Variants in HTR2C observed in about 807,000 individuals in gnomAD.
HTR2C encodes 5-hydroxytryptamine (serotonin) receptor 2C, G protein-coupled.
HTR2C carries 5 observed loss-of-function variants against 21.0 expected under a neutral mutation model. The ratio of observed to expected loss-of-function variants is 0.24; its 90% CI spans 0.12 to 0.50. The LOEUF (loss-of-function observed/expected upper bound fraction) is 0.50. Ranked by LOEUF, HTR2C falls within the 20% of genes least tolerant of loss-of-function variation. HTR2C has a pLI of 0.98. For missense variants in HTR2C, 271 were observed against 371.2 expected (o/e 0.73, Z 2.22); for synonymous variants, 150 against 145.3 (o/e 1.03, Z -0.23).
intron 5 of HTR2C, among the ~76,000 whole-genome samples, chrX:114,851,188 T>C (rs1556469156): frequency 8.9e-6 from 1 of 111,759 alleles, no homozygotes; most frequent in African/African-American, 3.3e-5. Context: ...AGCACATCCT[T>C]CTCAGCGATT....
intron 2 of HTR2C, among the ~76,000 whole-genome samples, chrX:114,672,023 C>G (rs1242290450): frequency 1.8e-5 from 2 of 111,262 alleles, no homozygotes; most frequent in Non-Finnish European, 3.8e-5. Flanking sequence ...AAGGTCACTA[C>G]TATTTATATT....
intron 4 of HTR2C, among the ~76,000 whole-genome samples, chrX:114,842,085 T>C (rs1372295286): frequency 2.7e-5 from 3 of 111,885 alleles, no homozygotes; most frequent in Non-Finnish European, 3.8e-5. Flanking sequence ...ATTATGAAAC[T>C]CAAACATCAA....
At chrX:114,619,264 T>C (rs1929062120) in intron 2 of HTR2C, among the ~76,000 whole-genome samples, 1 of 109,846 alleles carries the variant, frequency 9.1e-6, no homozygotes, top group African/African-American at 3.4e-5. Flanking sequence ...ATATCTTCAC[T>C]CCATTTCTAC....
rs148380228 is a variant in HTR2C, at chrX:114,903,525, T to C, written c.551-3064T>C. On this transcript the variant is annotated intron_variant, in intron 5 of 5. Transcript: ENST00000276198. ...ATACAAATAGATGCCAGGGATAAAA[T>C]TGGCCTCATCTACCCAATAACAGCT... Among the ~76,000 whole-genome samples, 651 of 112,401 alleles carry C rather than the reference T, an allele frequency of 5.8e-3. 8 individuals carry two copies. The highest frequency in any genetic ancestry group is 0.02 in the African/African-American group (626 of 30,964).
At chrX:114,805,846 T>TGTATATACACCATATATATACC (rs2070412304) in intron 4 of HTR2C, among the ~76,000 whole-genome samples, 1 of 41,170 alleles carries the variant, frequency 2.4e-5, no homozygotes, top group African/African-American at 7.4e-5. Context: ...ATATATACCA[T>TGTATATACACCATATATATACC]ATATATACCA....
chrX:114,767,900 C>A (rs1191805963), intron 4 of HTR2C, among the ~76,000 whole-genome samples: 3 of 109,727 alleles, frequency 2.7e-5, no homozygotes, highest in Non-Finnish European at 5.7e-5. Context: ...CACATATAAA[C>A]CGTTGTAATC....
intron 2 of HTR2C, among the ~76,000 whole-genome samples, chrX:114,724,677 CCCTT>C (rs1371357945): frequency 9.4e-6 from 1 of 106,934 alleles, no homozygotes; most frequent in Non-Finnish European, 1.9e-5. Flanking sequence ...CCATGTTTAG[CCCTT>C]CCTTCAGGAG....
chrX:114,712,002 G>A (rs917447825), intron 2 of HTR2C, among the ~76,000 whole-genome samples: 1 of 111,677 alleles, frequency 9.0e-6, no homozygotes, highest in Admixed American at 9.6e-5. Flanking sequence ...GAAAATAATG[G>A]CTCTTTGTGA....
intron 5 of HTR2C, among the ~76,000 whole-genome samples, chrX:114,875,712 A>T (rs1602903765): frequency 9.0e-6 from 1 of 110,944 alleles, no homozygotes; most frequent in Admixed American, 9.7e-5. Context: ...AACTATATAT[A>T]TGTGGACTCA....
intron 2 of HTR2C, among the ~76,000 whole-genome samples, chrX:114,669,996 T>A (rs1442748891): frequency 2.7e-5 from 3 of 111,676 alleles, no homozygotes; most frequent in Non-Finnish European, 3.8e-5. Context: ...CCTAGCACTT[T>A]GGGAGGCCAA....
intron 4 of HTR2C, among the ~76,000 whole-genome samples, chrX:114,791,133 C>T (rs887434584): frequency 5.3e-5 from 6 of 112,741 alleles, no homozygotes; most frequent in Admixed American, 9.4e-5. Flanking sequence ...GCGCCATGAG[C>T]GCATCAACCA....
chrX:114,601,372 T>A (rs1052452280), intron 1 of HTR2C, among the ~76,000 whole-genome samples: 1 of 107,964 alleles, frequency 9.3e-6, no homozygotes, highest in South Asian at 4.1e-4. Flanking sequence ...GAAAAGAGAG[T>A]CAGTGAAGGG....
At chrX:114,600,495 T>C (rs1406679939) in intron 1 of HTR2C, among the ~76,000 whole-genome samples, 1 of 111,314 alleles carries the variant, frequency 9.0e-6, no homozygotes, top group Admixed American at 9.6e-5. Context: ...AGCTATTTAC[T>C]AATAGTAATA....
intron 2 of HTR2C, among the ~76,000 whole-genome samples, chrX:114,726,429 G>T (rs782637327): frequency 8.9e-6 from 1 of 112,373 alleles, no homozygotes; most frequent in African/African-American, 3.2e-5. Context: ...ACTCCCTAGT[G>T]AGATGAAGCC....
rs1198714265 is a variant in HTR2C, at chrX:114,908,440, T to C, written c.*1025T>C. 1 of 111,775 alleles carries C rather than the reference T, an allele frequency of 8.9e-6. No individual in the cohort carries two copies. The highest frequency in any genetic ancestry group is 1.9e-5 in the Non-Finnish European group (1 of 53,097). 9.2% of individuals were successfully genotyped at this position (111,775 alleles called of 1,213,427 possible). ...AAACTTGTATTGGAAGTATAGATGG[T>C]AGAAACTTTGGAAGTTTTACTTGAT... On this transcript the variant is annotated 3_prime_UTR_variant, in exon 6 of 6. Transcript: ENST00000276198.
At chrX:114,761,761 CT>C (rs2069868704) in intron 4 of HTR2C, among the ~76,000 whole-genome samples, 1 of 107,656 alleles carries the variant, frequency 9.3e-6, no homozygotes, top group African/African-American at 3.4e-5. Flanking sequence ...GTAGTCATTG[CT>C]TCATGTTATA....
At chrX:114,875,885 T>TG (rs2071130386) in intron 5 of HTR2C, among the ~76,000 whole-genome samples, 1 of 110,233 alleles carries the variant, frequency 9.1e-6, no homozygotes, top group Non-Finnish European at 1.9e-5. Context: ...TCTGGCTATT[T>TG]GGGGTCTTTT....
intron 1 of HTR2C, chrX:114,589,778 A>G: frequency 3.4e-6 from 1 of 297,542 alleles, no homozygotes; most frequent in Non-Finnish European, 6.3e-6. Context: ...GACTAAGCCA[A>G]TTTTTCGGAA....
chrX:114,626,002 G>A (rs782468718), intron 2 of HTR2C, among the ~76,000 whole-genome samples: 7 of 111,480 alleles, frequency 6.3e-5, no homozygotes, highest in African/African-American at 2.3e-4. Context: ...GGAATGTTAT[G>A]TAAATCCAAG....
Sources: allele counts gnomAD v4.1 joint callset (sites outside exome capture counted in the v4.1 genomes callset), GRCh38; gene constraint gnomAD v4.1.1; transcripts MANE v1.5; gene names NCBI Gene and HGNC (gene_info 2026-07-23, HGNC 2026-07-21).